N4BP3: variants seen among roughly 807,000 people sequenced by gnomAD.
N4BP3 encodes the protein NEDD4-binding protein 3.
In N4BP3, 33 loss-of-function variants were observed where a neutral mutation model predicts 43.8. The ratio of observed to expected loss-of-function variants is 0.75; its 90% confidence interval spans 0.57 to 1.01. The LOEUF is 1.01. N4BP3 is among the 50% of genes least tolerant of loss of function. N4BP3 has a pLI of 0.00. For missense variants in N4BP3, 756 were observed against 744.2 expected (o/e 1.02, Z -0.18); for synonymous variants, 326 against 321.9 (o/e 1.01, Z -0.14).
At chr5:178,126,616 C>G (rs1269948487), downstream of N4BP3, among the ~76,000 whole-genome samples, 2 of 152,196 alleles carry the variant, frequency 1.3e-5, no homozygotes, top group Admixed American at 6.5e-5. Context: ...ATCGCTCACT[C>G]CTTTTCCCTC....
chr5:178,122,006 A>G lies in N4BP3; in HGVS notation c.*5A>G. 6.3e-7 allele frequency: 1 copy of G among 1,579,068 alleles called. No homozygotes were observed. Among genetic ancestry groups the G allele is most frequent in the African/African-American group, 1.3e-5 (1 of 74,146 alleles). On this transcript the variant is annotated 3_prime_UTR_variant, in exon 5 of 5. Coordinates refer to ENST00000274605, the MANE Select transcript of N4BP3 (RefSeq NM_015111.2). Reference sequence around the variant, plus strand: ...CTCGAGTCCTCCAAGATCTGAGGCCAGCAGAGCGAGCTGACAGCAGCAACA... The same window carrying G: ...CTCGAGTCCTCCAAGATCTGAGGCCGGCAGAGCGAGCTGACAGCAGCAACA...
At chr5:178,117,282 C>T (rs1307091076) in intron 1 of N4BP3, among the ~76,000 whole-genome samples, 1 of 152,182 alleles carries the variant, frequency 6.6e-6, no homozygotes, top group Non-Finnish European at 1.5e-5. Context: ...ACATCTCTGG[C>T]TGGATGGGCT....
chr5:178,114,525 A>G (rs1430305301), intron 1 of N4BP3, among the ~76,000 whole-genome samples: 1 of 152,130 alleles, frequency 6.6e-6, no homozygotes, highest in East Asian at 1.9e-4. Flanking sequence ...GTATCCAGAA[A>G]GAGAACTGAG....
At chr5:178,116,329 C>G (rs1026922827) in intron 1 of N4BP3, among the ~76,000 whole-genome samples, 2 of 152,060 alleles carry the variant, frequency 1.3e-5, no homozygotes, top group Non-Finnish European at 2.9e-5. Flanking sequence ...CTGTGACATA[C>G]GCAGGGAGGA....
rs1466368604 is a variant in N4BP3, at chr5:178,120,236, C to T, written c.389C>T (p.Ser130Phe). ...GCGGGCAACGGGAAAGGCTTCCTATCCATGCAAAGTCTGGCGTCCCACAAA... is the reference window on the plus strand; with the variant it reads ...GCGGGCAACGGGAAAGGCTTCCTATTCATGCAAAGTCTGGCGTCCCACAAA... ...PTAGNGKGFL[S>F]MQSLASHKGQ... is the part of the protein sequence containing the mutation. Residue 130 changes from serine to phenylalanine, a missense_variant, in exon 3 of 5, where the codon TCC becomes TTC. Ser to Phe is a radical substitution (Grantham distance 155). Coordinates refer to ENST00000274605, the MANE Select transcript of N4BP3 (RefSeq NM_015111.2). The T allele has an allele frequency of 6.2e-7, 1 of 1,602,866 alleles. No individual in the cohort carries two copies. The highest frequency in any genetic ancestry group is 8.5e-7 in the Non-Finnish European group (1 of 1,173,202).
At chr5:178,126,832 A>T (rs1758074688), downstream of N4BP3, among the ~76,000 whole-genome samples, 1 of 152,184 alleles carries the variant, frequency 6.6e-6, no homozygotes, top group African/African-American at 2.4e-5. Flanking sequence ...TATCTGCATG[A>T]CAAGACAGCC....
Position 178,122,801 on chromosome 5 carries a change from C to G in N4BP3, c.*800C>G, listed in dbSNP as rs67080522. On this transcript the variant is annotated 3_prime_UTR_variant, in exon 5 of 5. Coordinates refer to ENST00000274605, the MANE Select transcript of N4BP3 (RefSeq NM_015111.2). ...CCCTCCCCGCACCCACCTCCTGTCT[C>G]CCTCCCTCCCTCCATAGGAGTGGGG... 21,214 of 152,146 alleles carry G rather than the reference C, an allele frequency of 0.14. 1,859 individuals are homozygous for G. The highest frequency in any genetic ancestry group is 0.28 in the East Asian group (1,449 of 5,134). 9.4% of individuals were successfully genotyped at this position (152,146 alleles called of 1,614,324 possible).
At chr5:178,119,208 C>T (rs1306006071) in intron 1 of N4BP3, among the ~76,000 whole-genome samples, 3 of 152,192 alleles carry the variant, frequency 2.0e-5, no homozygotes, top group Admixed American at 1.3e-4. Flanking sequence ...GCTGGGAGGA[C>T]GGCTCCTGTC....
Position 178,121,945 on chromosome 5 carries a change from G to A in N4BP3, c.1579G>A (p.Ala527Thr). Residue 527 changes from alanine to threonine, a missense_variant, in exon 5 of 5, where the codon GCA becomes ACA. Physicochemically the swap from Ala to Thr is moderately conservative, Grantham distance 58. Transcript: ENST00000274605. ...CCAGGCACTGGAGCAGGAACTGCGG[G>A]CACTGCGGGAGCCCCCCACACCCTG... is the stretch of plus-strand genomic sequence containing the variant. ...RNQALEQELR[A>T]LREPPTPWSP... 1.2e-6 allele frequency: 2 copies of A among 1,611,682 alleles called. No individual in the cohort carries two copies. Among genetic ancestry groups the A allele is most frequent in the Non-Finnish European group, 1.7e-6 (2 of 1,179,546 alleles).
At chr5:178,126,272 G>A (rs1404210635), downstream of N4BP3, among the ~76,000 whole-genome samples, 1 of 77,802 alleles carries the variant, frequency 1.3e-5, no homozygotes, top group Non-Finnish European at 2.9e-5. Context: ...TCCGCCTCCC[G>A]AGTTCAAGCA....
chr5:178,114,911 C>T (rs1041787748), intron 1 of N4BP3, among the ~76,000 whole-genome samples: 2 of 152,198 alleles, frequency 1.3e-5, no homozygotes, highest in African/African-American at 4.8e-5. Flanking sequence ...GCATGGAGGG[C>T]TGGGCAGACA....
rs1383992137 is a variant in N4BP3, at chr5:178,118,591, G to A, written c.-30-963G>A. 6.6e-6 allele frequency among the ~76,000 whole-genome samples: 1 copy of A among 152,136 alleles called. No homozygotes were observed. The highest frequency in any genetic ancestry group is 1.5e-5 in the Non-Finnish European group (1 of 68,022). ...CTGCCCAGACGGGAACACCTGTCCC[G>A]GAAACTGTGGCCATTGTTCACGTCA... On this transcript the variant is annotated intron_variant, in intron 1 of 4. Coordinates refer to ENST00000274605, the MANE Select transcript of N4BP3 (RefSeq NM_015111.2). The surrounding 1 kb of genome is among the most constrained non-coding windows in gnomAD (Gnocchi z 5.4).
At position 178,123,184 on chromosome 5, in the gene N4BP3, C is replaced by G. The variant is rs1049189179; in HGVS notation, c.*1183C>G. On this transcript the variant is annotated 3_prime_UTR_variant, in exon 5 of 5. Transcript: ENST00000274605. The stretch of plus-strand genomic sequence containing the variant: ...CTTGCCCTCTGGGCCTTTGCTCCCC[C>G]GCTGGGTGCCCGGCCTGGAACACAG... The G allele has an allele frequency of 6.6e-6, 1 of 152,376 alleles. No individual in the cohort carries two copies. The highest frequency in any genetic ancestry group is 2.4e-5 in the African/African-American group (1 of 41,460). The allele number at this position is 152,376 out of a possible 1,614,324, so 9.4% of individuals were successfully genotyped here. A position where few individuals can be genotyped will look rare whatever the true frequency, so the allele number is the denominator to read the frequency against.
At chr5:178,126,821 T>C (rs1758074397), downstream of N4BP3, among the ~76,000 whole-genome samples, 1 of 152,170 alleles carries the variant, frequency 6.6e-6, no homozygotes, top group Admixed American at 6.5e-5. Context: ...TTGAGAGGTT[T>C]TATCTGCATG....
In N4BP3 at chr5:178,119,915, T is replaced by C; in HGVS notation, c.330+2T>C. The C allele has an allele frequency of 6.3e-7, 1 of 1,596,532 alleles. No homozygotes were observed. Among genetic ancestry groups the C allele is most frequent in the Non-Finnish European group, 8.5e-7 (1 of 1,174,044 alleles). Reference sequence around the variant, plus strand: ...CCAGAACGGGGTCGCTTTGACAAGGTGCACCTTTGCCCATGCCCCTTACAA... The same window carrying C: ...CCAGAACGGGGTCGCTTTGACAAGGCGCACCTTTGCCCATGCCCCTTACAA... On this transcript the variant is annotated splice_donor_variant, in intron 2 of 4. Transcript: ENST00000274605. LOFTEE classifies it high-confidence loss of function.
rs1289515209 is a variant in N4BP3 at position 178,118,122 on chromosome 5, C to G, written c.-30-1432C>G. ...CATTTGTTCACTCGGCCAGACCTTT[C>G]TGCACGCCCGCTCCATGCTGGGCAC... On this transcript the variant is annotated intron_variant, in intron 1 of 4. Coordinates refer to ENST00000274605, the MANE Select transcript of N4BP3 (RefSeq NM_015111.2). This position sits in a 1 kb window ranked among gnomAD's most constrained non-coding sequence, Gnocchi z 5.4. 3.3e-5 allele frequency among the ~76,000 whole-genome samples: 5 copies of G among 152,210 alleles called. No individual in the cohort carries two copies. The highest frequency in any genetic ancestry group is 1.2e-4 in the African/African-American group (5 of 41,456).
intron 1 of N4BP3, among the ~76,000 whole-genome samples, chr5:178,115,243 G>A (rs979275697): frequency 6.6e-6 from 1 of 152,190 alleles, no homozygotes; most frequent in Admixed American, 6.5e-5. Flanking sequence ...CACCACTTCC[G>A]CAGGCTTTAG....
Position 178,119,799 on chromosome 5 carries a change from C to G in N4BP3, c.216C>G (p.Thr72=). ...PKKDSKSTKN[T]KRAPRNEPAD... ...AGGACAGCAAGAGCACCAAGAACAC[C>G]AAGCGGGCCCCTCGGAACGAGCCTG... The change falls in exon 2 of 5, where the codon ACC becomes ACG. Residue 72 remains threonine (T), a synonymous_variant. Transcript: ENST00000274605. 6.2e-7 allele frequency: 1 copy of G among 1,613,474 alleles called. No individual in the cohort carries two copies.
At position 178,118,335 on chromosome 5, in the gene N4BP3, T is replaced by G. The variant is rs1010211042; in HGVS notation, c.-30-1219T>G. On this transcript the variant is annotated intron_variant, in intron 1 of 4. Transcript: ENST00000274605. The surrounding 1 kb of genome is among the most constrained non-coding windows in gnomAD (Gnocchi z 5.4). ...AGGCCCTGAACTGGGTGCTCTGTCATGTTATCCCACCCCATCCTCCCAGCA... is the reference window on the plus strand; with the variant it reads ...AGGCCCTGAACTGGGTGCTCTGTCAGGTTATCCCACCCCATCCTCCCAGCA... Among the ~76,000 whole-genome samples the G allele has an allele frequency of 6.6e-6, 1 of 152,190 alleles. No individual in the cohort carries two copies. Among genetic ancestry groups the G allele is most frequent in the Non-Finnish European group, 1.5e-5 (1 of 68,024 alleles).
Sources: gnomAD v4.1 joint callset for allele counts (sites outside exome capture counted in the v4.1 genomes callset) on GRCh38, gnomAD v4.1.1 for gene constraint, Gnocchi (gnomAD v3.1) non-coding constraint, MANE v1.5 for transcripts, NCBI Gene and HGNC (gene_info 2026-07-23, HGNC 2026-07-21) for gene names.